The following GALNTL6 variants were observed in gnomAD, a reference collection of about 807,000 sequenced individuals.
The protein encoded by GALNTL6 is polypeptide N-acetylgalactosaminyltransferase-like 6.
In GALNTL6, 46 loss-of-function variants were observed where a neutral mutation model predicts 73.7. The observed-to-expected ratio is 0.62, with a 90% confidence interval of 0.49 to 0.80. The LOEUF (loss-of-function observed/expected upper bound fraction) is 0.80. Among genes scored for constraint, GALNTL6 ranks in the 30% least tolerant of loss-of-function variants. GALNTL6 has a pLI of 0.00. For synonymous variants in GALNTL6, 259 were observed against 263.7 expected, an observed-to-expected ratio of 0.98 and a Z score of 0.17; for missense variants, 604 against 755.0, an observed-to-expected ratio of 0.80 and a Z score of 2.34.
chr4:172,268,560 G>C (rs1214798377), intron 3 of GALNTL6, among the ~76,000 whole-genome samples: 1 of 152,296 alleles, frequency 6.6e-6, no homozygotes, highest in East Asian at 1.9e-4. Context: ...CCCAACTAGG[G>C]CTGAGAGCTG....
chr4:172,524,317 T>C (rs2110826568), intron 5 of GALNTL6, among the ~76,000 whole-genome samples: 1 of 152,062 alleles, frequency 6.6e-6, no homozygotes, highest in African/African-American at 2.4e-5. Flanking sequence ...GGTGCAGTCT[T>C]GGCTCACCGC....
intron 2 of GALNTL6, among the ~76,000 whole-genome samples, chr4:171,915,371 C>T (rs1313953045): frequency 3.3e-5 from 5 of 152,236 alleles, no homozygotes; most frequent in African/African-American, 1.2e-4. Flanking sequence ...GAATAACTGA[C>T]GATGATGCTT....
At chr4:172,274,933 A>G (rs986283039) in intron 3 of GALNTL6, among the ~76,000 whole-genome samples, 13 of 152,192 alleles carry the variant, frequency 8.5e-5, no homozygotes, top group African/African-American at 3.1e-4. Context: ...AATCTTTTAC[A>G]TTTGTGTAAA....
At chr4:171,969,679 A>C (rs1362937951) in intron 2 of GALNTL6, among the ~76,000 whole-genome samples, 2 of 152,154 alleles carry the variant, frequency 1.3e-5, no homozygotes, top group Non-Finnish European at 2.9e-5. Context: ...GCCTTGCCTT[A>C]AAAATGTTAA....
chr4:172,990,073 C>G (rs1751473195), intron 10 of GALNTL6, among the ~76,000 whole-genome samples: 1 of 152,156 alleles, frequency 6.6e-6, no homozygotes, highest in African/African-American at 2.4e-5. Context: ...AGGTATAAGT[C>G]CAGTTCTCCC....
chr4:172,942,531 G>T (rs1465689848), intron 9 of GALNTL6, among the ~76,000 whole-genome samples: 1 of 152,112 alleles, frequency 6.6e-6, no homozygotes, highest in Non-Finnish European at 1.5e-5. Flanking sequence ...ATGACATGAG[G>T]CACCATTGGC....
chr4:172,581,292 A>C (rs72704855), intron 5 of GALNTL6, among the ~76,000 whole-genome samples: 3 of 152,154 alleles, frequency 2.0e-5, no homozygotes, highest in African/African-American at 7.2e-5. Flanking sequence ...CATGCATACT[A>C]AGTCCATTCT....
intron 7 of GALNTL6, among the ~76,000 whole-genome samples, chr4:172,871,607 TGA>T (rs1264596050): frequency 2.6e-5 from 2 of 76,848 alleles, no homozygotes; most frequent in South Asian, 6.6e-4. Context: ...TGTGTGTGTG[TGA>T]GAGTGTGTGT....
At chr4:172,495,905 T>G (rs1470676897) in intron 5 of GALNTL6, among the ~76,000 whole-genome samples, 1 of 152,202 alleles carries the variant, frequency 6.6e-6, no homozygotes, top group African/African-American at 2.4e-5. Context: ...TGAAATATCC[T>G]CTCCCTTTTT....
chr4:171,978,252 TACTA>T (rs10550317), intron 2 of GALNTL6, among the ~76,000 whole-genome samples: 12,418 of 152,140 alleles, frequency 0.082, 1,391 homozygotes, highest in African/African-American at 0.26. Context: ...TTGTTATATA[TACTA>T]ACTATTAATA....
chr4:172,708,964 G>GA (rs772838422), intron 5 of GALNTL6, among the ~76,000 whole-genome samples: 28 of 152,016 alleles, frequency 1.8e-4, no homozygotes, highest in African/African-American at 5.8e-4. Context: ...TTTTTCTGGA[G>GA]AAAAAAAATT....
At chr4:172,083,958 A>G (rs1331935414) in intron 2 of GALNTL6, among the ~76,000 whole-genome samples, 1 of 152,198 alleles carries the variant, frequency 6.6e-6, no homozygotes, top group Non-Finnish European at 1.5e-5. Flanking sequence ...ATCTGTAAGA[A>G]CCCATGGAAC....
intron 7 of GALNTL6, among the ~76,000 whole-genome samples, chr4:172,861,705 A>T (rs959581267): frequency 2.0e-5 from 3 of 152,146 alleles, no homozygotes; most frequent in African/African-American, 4.8e-5. Flanking sequence ...GTTCTTTCCC[A>T]TGCTGTTCTC....
chr4:172,945,914 A>T (rs182233456), intron 9 of GALNTL6, among the ~76,000 whole-genome samples: 40 of 152,326 alleles, frequency 2.6e-4, no homozygotes, highest in Admixed American at 5.2e-4. Context: ...CATATTATCA[A>T]TGATAAAAGG....
At chr4:172,496,520 T>C (rs1482307727) in intron 5 of GALNTL6, among the ~76,000 whole-genome samples, 1 of 151,834 alleles carries the variant, frequency 6.6e-6, no homozygotes, top group Non-Finnish European at 1.5e-5. Flanking sequence ...TGAGATATCA[T>C]AGCTACAAAA....
intron 10 of GALNTL6, among the ~76,000 whole-genome samples, chr4:172,987,047 T>C (rs904350092): frequency 2.0e-5 from 3 of 152,170 alleles, no homozygotes; most frequent in Non-Finnish European, 4.4e-5. Flanking sequence ...ACTATAGTTT[T>C]TAGAAACATA....
At chr4:172,703,104 A>G (rs1028418234) in intron 5 of GALNTL6, among the ~76,000 whole-genome samples, 41 of 152,014 alleles carry the variant, frequency 2.7e-4, no homozygotes, top group Non-Finnish European at 1.3e-4. Flanking sequence ...AAACCAATAA[A>G]ATGGTAAAAG....
chr4:172,121,084 A>G (rs1733136998), intron 2 of GALNTL6, among the ~76,000 whole-genome samples: 1 of 152,184 alleles, frequency 6.6e-6, no homozygotes. Context: ...CACAGGCCAT[A>G]GTAAACTATG....
chr4:172,190,979 G>T (rs965506958), intron 2 of GALNTL6, among the ~76,000 whole-genome samples: 3 of 152,100 alleles, frequency 2.0e-5, no homozygotes, highest in Non-Finnish European at 4.4e-5. Flanking sequence ...TGCTTCCATT[G>T]TCATATTAGC....
Sources: gnomAD v4.1 joint callset for allele counts (sites outside exome capture counted in the v4.1 genomes callset) on GRCh38, gnomAD v4.1.1 for gene constraint, MANE v1.5 for transcripts, NCBI Gene and HGNC (gene_info 2026-07-23, HGNC 2026-07-21) for gene names.